Variants in SLC36A1 observed in about 807,000 individuals in gnomAD.
SLC36A1 encodes the protein solute carrier family 36 member 1.
In SLC36A1, 30 loss-of-function variants were observed where a neutral mutation model predicts 47.5. The ratio of observed to expected loss-of-function variants is 0.63; its 90% CI spans 0.47 to 0.86. SLC36A1 has a LOEUF of 0.86. Among genes scored for constraint, SLC36A1 ranks in the 40% least tolerant of loss-of-function variants. SLC36A1 has a pLI of 0.00. For missense variants in SLC36A1, 517 were observed against 606.0 expected (o/e 0.85, Z 1.54); for synonymous variants, 255 against 249.7 (o/e 1.02, Z -0.20).
At chr5:151,365,290 A>G in the SLC36A1 span, among the ~76,000 whole-genome samples, 1 of 152,220 alleles carries the variant, frequency 6.6e-6, no homozygotes, top group Non-Finnish European at 1.5e-5. Flanking sequence ...TTCCTATTGA[A>G]TCAAGATGTT....
At chr5:151,402,284 G>A in the SLC36A1 span, among the ~76,000 whole-genome samples, 2 of 151,926 alleles carry the variant, frequency 1.3e-5, no homozygotes, top group East Asian at 1.9e-4. Flanking sequence ...TATTTATTTG[G>A]TGAGTAACAT....
At chr5:151,550,439 A>C in the SLC36A1 span, 1 of 834,792 alleles carries the variant, frequency 1.2e-6, no homozygotes, top group Non-Finnish European at 1.8e-6. Context: ...CCCTTATGGA[A>C]GGTGCCCTTA....
intron 1 of SLC36A1, among the ~76,000 whole-genome samples, chr5:151,438,477 G>T (rs757746555): frequency 1.3e-5 from 2 of 151,862 alleles, no homozygotes; most frequent in Non-Finnish European, 2.9e-5. Context: ...CTCATTCATG[G>T]TACACCATTG....
chr5:151,505,375 T>G, the SLC36A1 span: 1 of 672,108 alleles, frequency 1.5e-6, no homozygotes, highest in Non-Finnish European at 2.5e-6. Flanking sequence ...TGGAGCTCTA[T>G]CCTCAGCTTC....
the SLC36A1 span, among the ~76,000 whole-genome samples, chr5:151,420,299 A>G: frequency 2.6e-5 from 4 of 152,312 alleles, no homozygotes; most frequent in East Asian, 7.7e-4. Context: ...AGTCAAATGA[A>G]TTAATGAGTC....
chr5:151,434,211 A>G (rs1296385928), upstream of SLC36A1, among the ~76,000 whole-genome samples: 1 of 152,238 alleles, frequency 6.6e-6, no homozygotes, highest in African/African-American at 2.4e-5. Flanking sequence ...AGAACTTTGC[A>G]AAAGAGAAAT....
At chr5:151,540,427 A>G in the SLC36A1 span, 4 of 476,746 alleles carry the variant, frequency 8.4e-6, no homozygotes, top group Non-Finnish European at 1.1e-5. Context: ...CTGCCCCTCA[A>G]TCTCCCTTCT....
the SLC36A1 span, among the ~76,000 whole-genome samples, chr5:151,538,755 G>A: frequency 6.6e-6 from 1 of 152,090 alleles, no homozygotes; most frequent in Non-Finnish European, 1.5e-5. Context: ...TTGGCTCACT[G>A]CAACCTCCTC....
chr5:151,389,822 G>T, the SLC36A1 span, among the ~76,000 whole-genome samples: 2 of 151,918 alleles, frequency 1.3e-5, no homozygotes, highest in Non-Finnish European at 2.9e-5. Context: ...TGGACATTTG[G>T]GTTGGTTCCA....
chr5:151,488,478 T>G lies in SLC36A1; in HGVS notation c.*224T>G. ...CTACTAGTGACAGGGCTGCCATCGCTCACCTGTACCTATTTACACCCAGAA... is the reference window on the plus strand; with the variant it reads ...CTACTAGTGACAGGGCTGCCATCGCGCACCTGTACCTATTTACACCCAGAA... On this transcript the variant is annotated 3_prime_UTR_variant, in exon 11 of 11. Transcript: ENST00000243389. 1 of 590,974 alleles carries G rather than the reference T, an allele frequency of 1.7e-6. No individual in the cohort carries two copies. Among genetic ancestry groups the G allele is most frequent in the Non-Finnish European group, 3.0e-6 (1 of 336,844 alleles). 36.6% of individuals were successfully genotyped at this position (590,974 alleles called of 1,614,324 possible). A position where few individuals can be genotyped will look rare whatever the true frequency, so the allele number is the denominator to read the frequency against.
At chr5:151,386,292 C>T in the SLC36A1 span, among the ~76,000 whole-genome samples, 1 of 152,148 alleles carries the variant, frequency 6.6e-6, no homozygotes, top group Admixed American at 6.5e-5. Context: ...GGCTTATACT[C>T]TGAGGTTGGA....
chr5:151,395,907 T>C, the SLC36A1 span, among the ~76,000 whole-genome samples: 1 of 152,040 alleles, frequency 6.6e-6, no homozygotes, highest in Non-Finnish European at 1.5e-5. Context: ...CCTCCCGAGT[T>C]CAAGCAATTC....
At chr5:151,480,253 G>A (rs564371737) in intron 10 of SLC36A1, 2 of 449,042 alleles carry the variant, frequency 4.5e-6, no homozygotes, top group African/African-American at 2.0e-5. Flanking sequence ...ATGCTTAAAA[G>A]CATAGATTCC....
the SLC36A1 span, among the ~76,000 whole-genome samples, chr5:151,351,614 C>T: frequency 2.0e-5 from 3 of 152,156 alleles, no homozygotes; most frequent in East Asian, 1.9e-4. Context: ...TTCATTTATC[C>T]GTTTCTTTTT....
intron 1 of SLC36A1, among the ~76,000 whole-genome samples, chr5:151,458,356 T>TACACACAC (rs1554110054): frequency 1.7e-4 from 22 of 129,770 alleles, no homozygotes; most frequent in African/African-American, 7.4e-4. Context: ...TATATATATA[T>TACACACAC]ACACACACGA....
chr5:151,507,125 A>G, the SLC36A1 span: 4 of 1,521,894 alleles, frequency 2.6e-6, no homozygotes, highest in East Asian at 9.1e-5. Flanking sequence ...CATCAATCCC[A>G]GAGGCTAAGC....
chr5:151,513,319 A>C, the SLC36A1 span, among the ~76,000 whole-genome samples: 1 of 152,230 alleles, frequency 6.6e-6, no homozygotes, highest in Non-Finnish European at 1.5e-5. Flanking sequence ...CACTTTTCAC[A>C]ATAGCAAAGA....
chr5:151,454,083 ATTTTTTTTTT>A (rs35097474), intron 1 of SLC36A1, among the ~76,000 whole-genome samples: 1 of 88,090 alleles, frequency 1.1e-5, no homozygotes, highest in Middle Eastern at 0.011. Context: ...GTACACTTAA[ATTTTTTTTTT>A]TTTTTTTTTT....
intron 7 of SLC36A1, among the ~76,000 whole-genome samples, 171 bp downstream of exon 7, chr5:151,468,096 A>G (rs532211610): frequency 2.9e-4 from 43 of 150,638 alleles, no homozygotes; most frequent in African/African-American, 9.8e-4. Context: ...CTCTACTAGT[A>G]AAAATAGAAA....
Sources: gnomAD v4.1 joint callset for allele counts (sites outside exome capture counted in the v4.1 genomes callset) on GRCh38, gnomAD v4.1.1 for gene constraint, MANE v1.5 for transcripts, NCBI Gene and HGNC (gene_info 2026-07-23, HGNC 2026-07-21) for gene names.